Variants in ADAM23 observed in about 807,000 individuals in gnomAD.
The protein encoded by ADAM23 is ADAM metallopeptidase domain 23.
A neutral mutation model predicts 120.1 loss-of-function variants in ADAM23; 33 were observed. The ratio of observed to expected loss-of-function variants is 0.27; its 90% CI spans 0.21 to 0.37. The LOEUF is 0.37. Ranked by LOEUF, ADAM23 falls within the 10% of genes least tolerant of loss-of-function variation. ADAM23 has a pLI of 1.00. For missense variants in ADAM23, 862 were observed against 1,058.2 expected (o/e 0.81, Z 2.57); for synonymous variants, 367 against 375.2 (o/e 0.98, Z 0.25).
chr2:206,587,740 T>C (rs1698352574), intron 19 of ADAM23, among the ~76,000 whole-genome samples: 1 of 152,116 alleles, frequency 6.6e-6, no homozygotes, highest in Admixed American at 6.5e-5. Context: ...TACAGGTGAG[T>C]ATCATGATGT....
At chr2:206,503,770 A>G (rs1696438088) in intron 3 of ADAM23, among the ~76,000 whole-genome samples, 1 of 152,080 alleles carries the variant, frequency 6.6e-6, no homozygotes, top group African/African-American at 2.4e-5. Flanking sequence ...GGCCTTTTTA[A>G]TGGCTGCTGT....
chr2:206,468,569 CT>C (rs1182204551), intron 2 of ADAM23, among the ~76,000 whole-genome samples: 1 of 152,212 alleles, frequency 6.6e-6, no homozygotes, highest in Non-Finnish European at 1.5e-5. Context: ...ACTATGAGCA[CT>C]TTGGTCATAA....
intron 10 of ADAM23, among the ~76,000 whole-genome samples, chr2:206,559,338 TAGAG>T (rs372862076): frequency 7.6e-4 from 116 of 152,242 alleles, no homozygotes; most frequent in African/African-American, 2.2e-3. Flanking sequence ...GGGCCAAAAA[TAGAG>T]AGAGAGCAGA....
chr2:206,570,640 A>T, intron 15 of ADAM23, 100 bp from the exon 16 acceptor site: 1 of 857,008 alleles, frequency 1.2e-6, no homozygotes, highest in Non-Finnish European at 1.9e-6. Context: ...AGAATATCAC[A>T]TGATAGCTGA....
At chr2:206,449,976 G>A (rs1559211797) in intron 2 of ADAM23, among the ~76,000 whole-genome samples, 1 of 152,174 alleles carries the variant, frequency 6.6e-6, no homozygotes, top group African/African-American at 2.4e-5. Context: ...AGAGAGAGAA[G>A]TTTAAGTGAA....
intron 3 of ADAM23, among the ~76,000 whole-genome samples, chr2:206,493,723 A>T (rs1056064817): frequency 6.6e-6 from 1 of 152,218 alleles, no homozygotes; most frequent in African/African-American, 2.4e-5. Flanking sequence ...CACGTCCTTT[A>T]ATATAATTAC....
At chr2:206,613,941 GAAGGT>G (rs1382505516) in intron 25 of ADAM23, among the ~76,000 whole-genome samples, 3 of 152,164 alleles carry the variant, frequency 2.0e-5, no homozygotes, top group Non-Finnish European at 2.9e-5. Context: ...GAAAAGAAAT[GAAGGT>G]AATAGTGACA....
chr2:206,578,331 A>G (rs1052969077), intron 18 of ADAM23, among the ~76,000 whole-genome samples: 2 of 151,956 alleles, frequency 1.3e-5, no homozygotes, highest in Non-Finnish European at 2.9e-5. Context: ...CCATATTTGT[A>G]GTCTTTTATC....
chr2:206,586,584 T>C lies in ADAM23; in HGVS notation c.1738-741T>C, dbSNP rs1364132673. On this transcript the variant is annotated intron_variant, in intron 18 of 25. Transcript: ENST00000264377. ...CCTCAGTGCACACTGCTGTTTCTTA[T>C]TTATTTGCCATGCCTGCATATTTTT... 2.0e-5 allele frequency among the ~76,000 whole-genome samples: 3 copies of C among 152,214 alleles called. No individual in the cohort carries two copies. The South Asian group carries it at 6.2e-4, about 32-fold the overall frequency.
Position 206,470,659 on chromosome 2 carries a change from G to C in ADAM23, c.433-10573G>C, listed in dbSNP as rs192077644. Among the ~76,000 whole-genome samples the C allele has an allele frequency of 2.4e-3, 364 of 152,264 alleles. 3 individuals carry two copies. The highest frequency in any genetic ancestry group is 4.6e-3 in the South Asian group (22 of 4,822). On this transcript the variant is annotated intron_variant, in intron 2 of 25. Transcript: ENST00000264377. The stretch of plus-strand genomic sequence containing the variant: ...TTACTTAGGAAGTCTACTGGCACCT[G>C]CATTTTTGTAAAATGGAGAAATCCA...
chr2:206,615,979 T>C (rs1698928688), intron 25 of ADAM23, among the ~76,000 whole-genome samples: 1 of 152,218 alleles, frequency 6.6e-6, no homozygotes, highest in Admixed American at 6.5e-5. Context: ...GTTTGCCCTT[T>C]CCTCTACATT....
intron 17 of ADAM23, among the ~76,000 whole-genome samples, chr2:206,572,579 T>C (rs1380101460): frequency 6.6e-6 from 1 of 152,182 alleles, no homozygotes; most frequent in Non-Finnish European, 1.5e-5. Context: ...GGCTCTTTCC[T>C]TCACCTTTTA....
chr2:206,591,681 C>G (rs75731448), intron 21 of ADAM23, among the ~76,000 whole-genome samples: 1 of 152,086 alleles, frequency 6.6e-6, no homozygotes, highest in South Asian at 2.1e-4. Flanking sequence ...AGAAAATTTG[C>G]TAAGTCATAG....
chr2:206,491,492 A>T (rs138486105), intron 3 of ADAM23, among the ~76,000 whole-genome samples: 109 of 152,256 alleles, frequency 7.2e-4, no homozygotes, highest in African/African-American at 2.4e-3. Flanking sequence ...ATAAAAGGAG[A>T]CCCTTTGCGG....
Position 206,446,031 on chromosome 2 carries a change from T to A in ADAM23, c.432+507T>A, listed in dbSNP as rs190943197. Among the ~76,000 whole-genome samples the A allele has an allele frequency of 3.3e-5, 5 of 151,590 alleles. No individual in the cohort carries two copies. In the East Asian group the frequency reaches 5.8e-4, roughly 18 times the overall value. ...ATTGATCAGTAGGAGGAAAAAAAAA[T>A]TTTCTGTTGTATTTTCAATAGGTAA... is the stretch of plus-strand genomic sequence containing the variant. On this transcript the variant is annotated intron_variant, in intron 2 of 25. Transcript: ENST00000264377.
intron 3 of ADAM23, among the ~76,000 whole-genome samples, chr2:206,519,438 T>A (rs1384115614): frequency 1.3e-5 from 2 of 152,168 alleles, no homozygotes; most frequent in Admixed American, 6.6e-5. Context: ...GACTTTTTTT[T>A]AAACAATCGA....
intron 24 of ADAM23, among the ~76,000 whole-genome samples, chr2:206,607,380 G>A (rs1698748667): frequency 6.6e-6 from 1 of 152,164 alleles, no homozygotes; most frequent in Non-Finnish European, 1.5e-5. Context: ...ATGCATTTAT[G>A]TGAAATTCCT....
chr2:206,565,049 T>G lies in ADAM23; in HGVS notation c.1375T>G (p.Cys459Gly). ...KCDCTESWGG[C>G]IMEETGVSHS... The stretch of plus-strand genomic sequence containing the variant: ...TGACTGCACAGAATCCTGGGGTGGC[T>G]GCATCATGGAGGAAACAGGGTAAAT... Residue 459 changes from cysteine (C) to glycine (G), a missense_variant, in exon 14 of 26, where the codon TGC (cysteine) becomes GGC (glycine). Physicochemically the swap from Cys to Gly is radical, Grantham distance 159. Transcript: ENST00000264377. The G allele has an allele frequency of 1.9e-6, 3 of 1,614,128 alleles. No individual in the cohort carries two copies. The highest frequency in any genetic ancestry group is 2.5e-6 in the Non-Finnish European group (3 of 1,179,984).
chr2:206,499,835 G>A (rs1437325297), intron 3 of ADAM23, among the ~76,000 whole-genome samples: 1 of 151,886 alleles, frequency 6.6e-6, no homozygotes, highest in Non-Finnish European at 1.5e-5. Flanking sequence ...CTTTGTATAC[G>A]TTTGATTCAG....
Sources: allele counts gnomAD v4.1 joint callset (sites outside exome capture counted in the v4.1 genomes callset), GRCh38; gene constraint gnomAD v4.1.1; transcripts MANE v1.5; gene names NCBI Gene and HGNC (gene_info 2026-07-23, HGNC 2026-07-21).